Variants in ATP8A2 observed in about 807,000 individuals in gnomAD.
ATP8A2 encodes phospholipid-transporting ATPase IB.
Under a neutral mutation model 165.6 loss-of-function variants are expected in ATP8A2, and 100 were observed. The observed-to-expected ratio is 0.60, with a 90% CI of 0.51 to 0.71. The LOEUF is 0.71. Ranked by LOEUF, ATP8A2 falls within the 30% of genes least tolerant of loss-of-function variation. The pLI is 0.00. For synonymous variants in ATP8A2, 543 were observed against 548.8 expected (o/e 0.99, Z 0.15); for missense variants, 1,227 against 1,479.5 (o/e 0.83, Z 2.80).
At chr13:25,822,208 T>TTCAA (rs2138573972) in intron 27 of ATP8A2, among the ~76,000 whole-genome samples, 1 of 152,316 alleles carries the variant, frequency 6.6e-6, no homozygotes, top group East Asian at 1.9e-4. Flanking sequence ...TTAACCAGCT[T>TTCAA]TCAATATACA....
chr13:25,533,249 A>ATATTT, intron 5 of ATP8A2, 24 bp from the exon 6 acceptor site: 1 of 1,324,524 alleles, frequency 7.5e-7, no homozygotes, highest in Non-Finnish European at 1.1e-6. Context: ...GTATTAACCA[A>ATATTT]TATTTTATTT....
chr13:25,668,067 G>GTGGTA (rs1432700554), intron 24 of ATP8A2, among the ~76,000 whole-genome samples: 1 of 152,094 alleles, frequency 6.6e-6, no homozygotes, highest in Non-Finnish European at 1.5e-5. Context: ...GGAAAAAGAA[G>GTGGTA]TGGTACAACC....
chr13:25,741,704 A>G (rs1405097420), intron 25 of ATP8A2, among the ~76,000 whole-genome samples: 1 of 152,214 alleles, frequency 6.6e-6, no homozygotes, highest in Non-Finnish European at 1.5e-5. Flanking sequence ...TTGAAAACTT[A>G]GGAAAGTTGA....
chr13:25,549,334 C>T (rs1040036239), intron 10 of ATP8A2, among the ~76,000 whole-genome samples: 5 of 151,868 alleles, frequency 3.3e-5, no homozygotes, highest in African/African-American at 1.2e-4. Context: ...GTGGCGCACA[C>T]TTGTAATCCC....
At chr13:25,671,958 G>A (rs560965477) in intron 24 of ATP8A2, among the ~76,000 whole-genome samples, 12 of 152,228 alleles carry the variant, frequency 7.9e-5, no homozygotes, top group African/African-American at 1.4e-4. Context: ...TGTCTCCCCC[G>A]GATGCCCGGC....
intron 30 of ATP8A2, among the ~76,000 whole-genome samples, chr13:25,850,550 C>T (rs547040678): frequency 7.3e-5 from 11 of 151,548 alleles, no homozygotes; most frequent in Non-Finnish European, 1.0e-4. Context: ...TTTGCACAGA[C>T]GGTAGATAAA....
At chr13:25,633,479 CTCTT>C (rs2041296394) in intron 24 of ATP8A2, among the ~76,000 whole-genome samples, 1 of 152,142 alleles carries the variant, frequency 6.6e-6, no homozygotes, top group Middle Eastern at 3.2e-3. Context: ...GCGAGATCAC[CTCTT>C]TGTCTTTTTA....
intron 2 of ATP8A2, among the ~76,000 whole-genome samples, chr13:25,520,894 A>G (rs766609147): frequency 1.4e-4 from 21 of 152,158 alleles, no homozygotes; most frequent in East Asian, 5.8e-4. Context: ...GATTACAGGC[A>G]TGAGCCACCG....
chr13:25,429,373 A>G (rs1317854042), intron 1 of ATP8A2, among the ~76,000 whole-genome samples: 9 of 24,874 alleles, frequency 3.6e-4, no homozygotes, highest in African/African-American at 5.5e-4. Context: ...CTCCATCTTA[A>G]AAAAAAAAAA....
rs149985082 is a variant in ATP8A2 at position 25,419,197 on chromosome 13, G to A, written c.76+46909G>A. Among the ~76,000 whole-genome samples, 180 of 152,276 alleles carry A rather than the reference G, an allele frequency of 1.2e-3. 2 individuals carry two copies. The highest frequency in any genetic ancestry group is 3.9e-3 in the African/African-American group (164 of 41,558). On this transcript the variant is annotated intron_variant, in intron 1 of 36. Transcript: ENST00000381655. ...TTTAGTGCAGTGACTCCAGGCACTT[G>A]GCCCTGGAAACTTTAGTTCTAGTCT...
At chr13:25,896,341 T>C (rs528775440) in intron 33 of ATP8A2, among the ~76,000 whole-genome samples, 1,588 of 152,312 alleles carry the variant, frequency 0.01, 31 homozygotes, top group African/African-American at 0.035. Context: ...AGTTGAGCGG[T>C]TTTCAGTGAG....
At chr13:25,847,687 G>A (rs1369681795) in intron 30 of ATP8A2, among the ~76,000 whole-genome samples, 1 of 152,158 alleles carries the variant, frequency 6.6e-6, no homozygotes, top group Non-Finnish European at 1.5e-5. Flanking sequence ...TGCATTGTTC[G>A]CGGGTGTGTT....
intron 24 of ATP8A2, among the ~76,000 whole-genome samples, chr13:25,592,280 G>A (rs1382480232): frequency 6.7e-6 from 1 of 149,832 alleles, no homozygotes; most frequent in African/African-American, 2.5e-5. Context: ...TAAGGTCCAT[G>A]GTTAAAAACC....
rs1479669101 is a variant in ATP8A2 at position 26,024,840 on chromosome 13, G to A, written c.*4855G>A. The stretch of plus-strand genomic sequence containing the variant: ...TTGTTTTAAAAGTCGGGCGCAAAGT[G>A]TCAGGTGGCTTTGATTTATGACAGA... On this transcript the variant is annotated 3_prime_UTR_variant, in exon 37 of 37. Transcript: ENST00000381655. 1.3e-5 allele frequency: 2 copies of A among 152,208 alleles called. No homozygotes were observed. The highest frequency in any genetic ancestry group is 4.8e-5 in the African/African-American group (2 of 41,440). 9.4% of individuals were successfully genotyped at this position (152,208 alleles called of 1,614,324 possible).
Position 25,821,792 on chromosome 13 carries a change from A to G in ATP8A2, c.2680-6326A>G, listed in dbSNP as rs181678173. Among the ~76,000 whole-genome samples, 110 of 152,306 alleles carry G rather than the reference A, an allele frequency of 7.2e-4. 1 individual carries two copies. Among genetic ancestry groups the G allele is most frequent in the Non-Finnish European group, 7.9e-4 (54 of 68,026 alleles). ...AGCAGCAGCATCTTTGGCCCACTCA[A>G]TGCCAGTAGGCTCCTCCCCCAAGGT... On this transcript the variant is annotated intron_variant, in intron 27 of 36. Coordinates refer to ENST00000381655, the MANE Select transcript of ATP8A2 (RefSeq NM_016529.6).
chr13:25,626,295 G>C lies in ATP8A2; in HGVS notation c.2211+36596G>C, dbSNP rs534516286. On this transcript the variant is annotated intron_variant, in intron 24 of 36. Coordinates refer to ENST00000381655, the MANE Select transcript of ATP8A2 (RefSeq NM_016529.6). ...TGGTTCTGGAGGCTGGGAAGTCCAA[G>C]AGCATGGTGCTGACATCTAATGAGG... Among the ~76,000 whole-genome samples, 33 of 152,278 alleles carry C rather than the reference G, an allele frequency of 2.2e-4. No homozygotes were observed. The South Asian group carries it at 6.8e-3, about 32-fold the overall frequency.
intron 2 of ATP8A2, among the ~76,000 whole-genome samples, chr13:25,482,363 G>T (rs1217275622): frequency 6.6e-6 from 1 of 152,168 alleles, no homozygotes; most frequent in African/African-American, 2.4e-5. Flanking sequence ...AGAATTGGGG[G>T]TGCGTGGTTA....
intron 23 of ATP8A2, among the ~76,000 whole-genome samples, chr13:25,586,410 G>A (rs1378854017): frequency 2.6e-5 from 4 of 152,180 alleles, no homozygotes; most frequent in African/African-American, 7.2e-5. Flanking sequence ...TCTGTGTGGC[G>A]AGGGTTCCTG....
chr13:25,494,225 G>C (rs1293665630), intron 2 of ATP8A2, among the ~76,000 whole-genome samples: 1 of 152,098 alleles, frequency 6.6e-6, no homozygotes, highest in African/African-American at 2.4e-5. Context: ...TAGAATTGCT[G>C]TGTTGAATAA....
Sources: gnomAD v4.1 joint callset for allele counts (sites outside exome capture counted in the v4.1 genomes callset) on GRCh38, gnomAD v4.1.1 for gene constraint, MANE v1.5 for transcripts, NCBI Gene and HGNC (gene_info 2026-07-23, HGNC 2026-07-21) for gene names.